CUBN: variants seen among roughly 807,000 people sequenced by gnomAD.
CUBN encodes the protein cubilin.
In CUBN, 282 loss-of-function variants were observed where a neutral mutation model predicts 405.3. The observed-to-expected ratio is 0.70, with a 90% CI of 0.63 to 0.77. The LOEUF (loss-of-function observed/expected upper bound fraction) is 0.77. Ranked by LOEUF, CUBN falls within the 30% of genes least tolerant of loss-of-function variation. The pLI is 0.00. For missense variants in CUBN, 4,514 were observed against 4,475.2 expected (o/e 1.01, Z -0.25); for synonymous variants, 1,684 against 1,617.0 (o/e 1.04, Z -0.99).
At chr10:16,872,870 C>A (rs979554161) in intron 58 of CUBN, among the ~76,000 whole-genome samples, 2 of 152,198 alleles carry the variant, frequency 1.3e-5, no homozygotes, top group African/African-American at 4.8e-5. Context: ...TCCCCAAGAC[C>A]TAAAAGACAC....
At chr10:16,886,085 A>C (rs923677757) in intron 56 of CUBN, among the ~76,000 whole-genome samples, 1 of 152,180 alleles carries the variant, frequency 6.6e-6, no homozygotes, top group African/African-American at 2.4e-5. Flanking sequence ...TTTTTATGGT[A>C]CTGGGATTTT....
chr10:17,088,350 A>G lies in CUBN; in HGVS notation c.1766-5T>C. The G allele has an allele frequency of 6.2e-7, 1 of 1,601,462 alleles. No individual in the cohort carries two copies. Among genetic ancestry groups the G allele is most frequent in the Non-Finnish European group, 8.6e-7 (1 of 1,168,624 alleles). ...CAGTCAGGATACCTCCACACTCTAA[A>G]ATAAGAGGGAAAAATAATGTTACAT... On this transcript the variant is annotated splice_polypyrimidine_tract_variant and splice_region_variant and intron_variant, in intron 14 of 66. Transcript: ENST00000377833.
At position 16,907,555 on chromosome 10, in the gene CUBN, C is replaced by G; in HGVS notation, c.7658G>C (p.Arg2553Thr). The part of the protein sequence containing the change: ...MKVIFFTDGS[R>T]PYGGFTASYT... ...GGAAGCAGTGAAGCCGCCATATGGCCTGGATCCATCCGTGAAAAAAATGAC... is the reference window on the plus strand; with the variant it reads ...GGAAGCAGTGAAGCCGCCATATGGCGTGGATCCATCCGTGAAAAAAATGAC... Residue 2553 changes from arginine (R) to threonine (T), a missense_variant, in exon 49 of 67, where the codon AGG becomes ACG. By Grantham distance (71) the Arg-to-Thr change is moderately conservative (BLOSUM62 -1). Coordinates refer to ENST00000377833, the MANE Select transcript of CUBN (RefSeq NM_001081.4). The G allele has an allele frequency of 6.2e-7, 1 of 1,614,098 alleles. No individual in the cohort carries two copies. The highest frequency in any genetic ancestry group is 8.5e-7 in the Non-Finnish European group (1 of 1,180,016).
chr10:16,848,841 G>A (rs1231227077), intron 60 of CUBN, among the ~76,000 whole-genome samples: 8 of 151,628 alleles, frequency 5.3e-5, no homozygotes, highest in Non-Finnish European at 1.0e-4. Flanking sequence ...AGCTGGTACC[G>A]TAGGTGCACA....
Position 16,928,156 on chromosome 10 carries a change from C to G in CUBN, c.6271+1G>C. 1.2e-6 allele frequency: 2 copies of G among 1,613,490 alleles called. No individual in the cohort carries two copies. Among genetic ancestry groups the G allele is most frequent in the Non-Finnish European group, 1.7e-6 (2 of 1,179,638 alleles). ...GATTAAAAAATATTTGAACTCATTA[C>G]TCTTGTGAAAGGATGCATTGAAGCC... On this transcript the variant is annotated splice_donor_variant, in intron 41 of 66. Transcript: ENST00000377833. LOFTEE classifies it high-confidence loss of function.
intron 60 of CUBN, among the ~76,000 whole-genome samples, chr10:16,842,077 C>T (rs1277697241): frequency 6.0e-5 from 9 of 149,012 alleles, no homozygotes; most frequent in East Asian, 3.9e-4. Flanking sequence ...TAAGGTCTCA[C>T]GCTGTTGCCC....
intron 28 of CUBN, among the ~76,000 whole-genome samples, chr10:16,991,314 A>G (rs1450052415): frequency 1.3e-5 from 2 of 152,210 alleles, no homozygotes; most frequent in South Asian, 2.1e-4. Flanking sequence ...TTAGGATCCA[A>G]TTCTTAAATG....
Position 17,104,563 on chromosome 10 carries a change from T to C in CUBN, c.1273A>G (p.Thr425Ala), listed in dbSNP as rs758469335. The change falls in exon 12 of 67, where the codon ACA (threonine) becomes GCA (alanine). Residue 425 changes from threonine (T) to alanine (A), a missense_variant. By Grantham distance (58) the Thr-to-Ala change is moderately conservative (BLOSUM62 0). Transcript: ENST00000377833. The part of the protein sequence containing the change: ...GYFCKCDSGW[T>A]GVNCTENINE... ...ATGTTTTCTGTACAGTTGACACCTG[T>C]CCAACCTGAGTCACACTTACAAAAA... 6 of 1,613,666 alleles carry C rather than the reference T, an allele frequency of 3.7e-6. No homozygotes were observed. The highest frequency in any genetic ancestry group is 3.4e-6 in the Non-Finnish European group (4 of 1,179,946).
At chr10:17,068,846 A>C in intron 19 of CUBN, 76 bp from the exon 20 acceptor site, 3 of 1,163,104 alleles carry the variant, frequency 2.6e-6, no homozygotes, top group Non-Finnish European at 3.8e-6. Context: ...TTATTTCTGA[A>C]ATGTTTTTAA....
chr10:17,116,117 A>G (rs964722703), intron 6 of CUBN, among the ~76,000 whole-genome samples: 1 of 152,216 alleles, frequency 6.6e-6, no homozygotes, highest in Non-Finnish European at 1.5e-5. Flanking sequence ...TATGTCTTCT[A>G]TCCATAAAAA....
At position 16,915,069 on chromosome 10, in the gene CUBN, G is replaced by C; in HGVS notation, c.7314C>G (p.Ala2438=). 1 of 1,614,058 alleles carries C rather than the reference G, an allele frequency of 6.2e-7. No individual in the cohort carries two copies. Among genetic ancestry groups the C allele is most frequent in the Non-Finnish European group, 8.5e-7 (1 of 1,180,018 alleles). ...ATTCAAATCGCAGTCTGAATCCTGA[G>C]GCAGTCACAGAGCCGTCTGTGACAA... ...VRFVTDGSVT[A]SGFRLRFESS... is the part of the protein sequence containing the mutation. Residue 2438 remains alanine, a synonymous_variant, in exon 47 of 67, where the codon GCC becomes GCG. Transcript: ENST00000377833.
chr10:17,049,611 A>G (rs1835216884), intron 22 of CUBN, among the ~76,000 whole-genome samples: 1 of 152,164 alleles, frequency 6.6e-6, no homozygotes, highest in Non-Finnish European at 1.5e-5. Context: ...TGATTTACTC[A>G]CCAAGCTTCT....
intron 17 of CUBN, among the ~76,000 whole-genome samples, chr10:17,074,586 T>C (rs1179366362): frequency 6.6e-6 from 1 of 152,204 alleles, no homozygotes; most frequent in Admixed American, 6.5e-5. Context: ...GAGTGTAAAT[T>C]GAAGATTCTT....
At chr10:16,959,873 C>G (rs1843168057) in intron 31 of CUBN, among the ~76,000 whole-genome samples, 1 of 152,194 alleles carries the variant, frequency 6.6e-6, no homozygotes, top group Admixed American at 6.5e-5. Flanking sequence ...TTACTTAAGT[C>G]TACTGCCAAG....
chr10:17,126,065 C>T lies in CUBN; in HGVS notation c.387+696G>A, dbSNP rs1837175835. On this transcript the variant is annotated intron_variant, in intron 4 of 66. Coordinates refer to ENST00000377833, the MANE Select transcript of CUBN (RefSeq NM_001081.4). ...TCAAACTTAAAAGTAGAGGAAAATG[C>T]TTGAAGCATGAGCAAAACAGATGAA... Among the ~76,000 whole-genome samples, 3 of 152,118 alleles carry T rather than the reference C, an allele frequency of 2.0e-5. No individual in the cohort carries two copies. In the South Asian group the frequency reaches 6.2e-4, roughly 31 times the overall value.
At chr10:16,870,747 A>C (rs1451331361) in intron 58 of CUBN, among the ~76,000 whole-genome samples, 1 of 152,170 alleles carries the variant, frequency 6.6e-6, no homozygotes, top group African/African-American at 2.4e-5. Context: ...ATGAGAAATC[A>C]ACTTGTTGAG....
chr10:17,018,263 CT>C (rs1400677702), intron 28 of CUBN, among the ~76,000 whole-genome samples: 1 of 152,196 alleles, frequency 6.6e-6, no homozygotes, highest in Non-Finnish European at 1.5e-5. Flanking sequence ...TCCAGTGGTA[CT>C]CACCGCTTGG....
At chr10:17,092,479 G>C (rs1404917912) in intron 14 of CUBN, among the ~76,000 whole-genome samples, 1 of 152,118 alleles carries the variant, frequency 6.6e-6, no homozygotes, top group African/African-American at 2.4e-5. Flanking sequence ...GATGAGATAG[G>C]AGGTCGGCAC....
Position 17,047,623 on chromosome 10 carries a change from A to G in CUBN, c.3140-20T>C, listed in dbSNP as rs189861702. 278 of 1,604,156 alleles carry G rather than the reference A, an allele frequency of 1.7e-4. 2 individuals carry two copies. The highest frequency in any genetic ancestry group is 7.7e-6 in the Non-Finnish European group (9 of 1,170,970). ...AACATGCTGTGAACAGAAACAGACC[A>G]TAAGAGAGAAAATAGAAAATATTGA... is the stretch of plus-strand genomic sequence containing the variant. On this transcript the variant is annotated intron_variant, in intron 22 of 66. Coordinates refer to ENST00000377833, the MANE Select transcript of CUBN (RefSeq NM_001081.4).
Sources: gnomAD v4.1 joint callset for allele counts (sites outside exome capture counted in the v4.1 genomes callset) on GRCh38, gnomAD v4.1.1 for gene constraint, MANE v1.5 for transcripts, NCBI Gene and HGNC (gene_info 2026-07-23, HGNC 2026-07-21) for gene names.